MDFIC2: variants seen among roughly 807,000 people sequenced by gnomAD.
MDFIC2 encodes MyoD family inhibitor domain containing 2.
At chr3:70,301,886 T>C (rs1375711866) in intron 2 of MDFIC2, among the ~76,000 whole-genome samples, 1 of 152,110 alleles carries the variant, frequency 6.6e-6, no homozygotes, top group Non-Finnish European at 1.5e-5. Context: ...AAATGAAATA[T>C]ATTTGATACG....
intron 2 of MDFIC2, among the ~76,000 whole-genome samples, chr3:70,301,054 C>G (rs1175686234): frequency 2.0e-5 from 3 of 151,796 alleles, no homozygotes; most frequent in Non-Finnish European, 4.4e-5. Flanking sequence ...ATAGTTTTTC[C>G]TCATTTAAAA....
chr3:70,201,851 G>A (rs1701243126), intron 3 of MDFIC2, among the ~76,000 whole-genome samples: 1 of 152,144 alleles, frequency 6.6e-6, no homozygotes, highest in Admixed American at 6.5e-5. Context: ...TGCTCTTAGT[G>A]GCTTCTGTCT....
rs544806853 is a variant in MDFIC2, at chr3:70,201,368, G to A, written c.311-4183C>T. Among the ~76,000 whole-genome samples, 35 of 152,252 alleles carry A rather than the reference G, an allele frequency of 2.3e-4. 1 individual carries two copies. The highest frequency in any genetic ancestry group is 1.7e-3 in the South Asian group (8 of 4,822). On this transcript the variant is annotated intron_variant, in intron 3 of 3. Transcript: ENST00000567252. The stretch of plus-strand genomic sequence containing the variant: ...CAGCTCCATCCAAGTTCCTGCAAAG[G>A]ACATGATCTTGTTCTTTTTTACAGC...
At chr3:70,216,159 T>A (rs1701409739) in intron 2 of MDFIC2, among the ~76,000 whole-genome samples, 1 of 149,868 alleles carries the variant, frequency 6.7e-6, no homozygotes, top group African/African-American at 2.4e-5. Flanking sequence ...TATCTACATA[T>A]TTATATTTAT....
At chr3:70,246,716 CTGGCAA>C (rs1056346673) in intron 2 of MDFIC2, among the ~76,000 whole-genome samples, 1 of 152,022 alleles carries the variant, frequency 6.6e-6, no homozygotes, top group Admixed American at 6.6e-5. Flanking sequence ...TATATTTAAT[CTGGCAA>C]TCCAAACTAC....
chr3:70,278,821 T>C (rs1030933648), intron 2 of MDFIC2, among the ~76,000 whole-genome samples: 11 of 152,078 alleles, frequency 7.2e-5, no homozygotes, highest in African/African-American at 2.7e-4. Flanking sequence ...ATTCTTCTTC[T>C]ATAAAGGATA....
intron 2 of MDFIC2, among the ~76,000 whole-genome samples, chr3:70,262,009 T>C (rs1701871333): frequency 6.6e-6 from 1 of 152,158 alleles, no homozygotes; most frequent in African/African-American, 2.4e-5. Flanking sequence ...GAGTTTGATC[T>C]AACCCCAGAT....
At chr3:70,253,148 T>C (rs907624160) in intron 2 of MDFIC2, among the ~76,000 whole-genome samples, 9 of 152,214 alleles carry the variant, frequency 5.9e-5, no homozygotes, top group Middle Eastern at 3.4e-3. Context: ...TGATAAGTGC[T>C]AAAGAGAAAA....
chr3:70,220,614 G>C (rs568612688), intron 2 of MDFIC2, among the ~76,000 whole-genome samples: 21 of 152,282 alleles, frequency 1.4e-4, no homozygotes, highest in Admixed American at 1.2e-3. Flanking sequence ...AAGTATGTTA[G>C]TGTGTTGAGG....
At chr3:70,228,835 C>T (rs951056260) in intron 2 of MDFIC2, among the ~76,000 whole-genome samples, 2 of 151,468 alleles carry the variant, frequency 1.3e-5, no homozygotes, top group Admixed American at 1.3e-4. Context: ...CTCAAAATTC[C>T]TTAATTCCTT....
chr3:70,236,428 ATTTG>A (rs1701609687), intron 2 of MDFIC2, among the ~76,000 whole-genome samples: 1 of 152,086 alleles, frequency 6.6e-6, no homozygotes, highest in Non-Finnish European at 1.5e-5. Flanking sequence ...CTACCTGCCT[ATTTG>A]TTTATTAGCC....
At chr3:70,231,653 C>T (rs1701560950) in intron 2 of MDFIC2, among the ~76,000 whole-genome samples, 1 of 151,876 alleles carries the variant, frequency 6.6e-6, no homozygotes, top group South Asian at 2.1e-4. Context: ...CAGGGAAACA[C>T]GCTAAGGAGA....
intron 2 of MDFIC2, among the ~76,000 whole-genome samples, chr3:70,293,045 CAAAAAAAAAA>C (rs55990203): frequency 0.017 from 1,256 of 74,786 alleles, 27 homozygotes; most frequent in African/African-American, 0.047. Flanking sequence ...TGGTTTGAAG[CAAAAAAAAAA>C]AAAAAAAAAA....
intron 2 of MDFIC2, among the ~76,000 whole-genome samples, chr3:70,276,989 T>G (rs1277198853): frequency 6.6e-6 from 1 of 152,198 alleles, no homozygotes; most frequent in Non-Finnish European, 1.5e-5. Flanking sequence ...TATTCTTTCT[T>G]AAGGAACTCT....
chr3:70,253,046 C>A (rs1701784142), intron 2 of MDFIC2, among the ~76,000 whole-genome samples: 1 of 151,968 alleles, frequency 6.6e-6, no homozygotes, highest in South Asian at 2.1e-4. Context: ...CACCATTGTA[C>A]TCCAGCCTGG....
chr3:70,226,515 A>T (rs1236066930), intron 2 of MDFIC2, among the ~76,000 whole-genome samples: 3 of 152,122 alleles, frequency 2.0e-5, no homozygotes, highest in Non-Finnish European at 4.4e-5. Context: ...AGGCATGTGG[A>T]TTACCTGAGG....
chr3:70,202,538 G>A, intron 3 of MDFIC2, among the ~76,000 whole-genome samples: 1 of 152,060 alleles, frequency 6.6e-6, no homozygotes, highest in East Asian at 1.9e-4. Context: ...TAGAACACCT[G>A]GCATCCTGGC....
At chr3:70,226,233 A>T (rs1218430434) in intron 2 of MDFIC2, among the ~76,000 whole-genome samples, 1 of 152,214 alleles carries the variant, frequency 6.6e-6, no homozygotes, top group Non-Finnish European at 1.5e-5. Context: ...CTGCTGGTAG[A>T]TAATACAAAG....
At chr3:70,255,823 C>T (rs1701810358) in intron 2 of MDFIC2, among the ~76,000 whole-genome samples, 1 of 152,174 alleles carries the variant, frequency 6.6e-6, no homozygotes, top group Non-Finnish European at 1.5e-5. Flanking sequence ...ATGATCAATG[C>T]ACACCAATTG....
Sources: gnomAD v4.1 joint callset for allele counts (sites outside exome capture counted in the v4.1 genomes callset) on GRCh38, gnomAD v4.1.1 for gene constraint, MANE v1.5 for transcripts, NCBI Gene and HGNC (gene_info 2026-07-23, HGNC 2026-07-21) for gene names.